The following CSMD2 variants were observed in gnomAD, a reference collection of about 807,000 sequenced individuals.
CSMD2 encodes the protein CUB and sushi domain-containing protein 2.
In CSMD2, 130 loss-of-function variants were observed where a neutral mutation model predicts 398.5. The observed-to-expected ratio is 0.33, with a 90% CI of 0.28 to 0.38. The LOEUF is 0.38. Among genes scored for constraint, CSMD2 ranks in the 10% least tolerant of loss-of-function variants. The pLI is 1.00. For synonymous variants in CSMD2, 1,828 were observed against 1,908.5 expected (o/e 0.96, Z 1.10); for missense variants, 3,829 against 4,764.9 (o/e 0.80, Z 5.78).
intron 55 of CSMD2, among the ~76,000 whole-genome samples, chr1:33,551,891 T>A (rs1379581968): frequency 6.6e-6 from 1 of 152,106 alleles, no homozygotes; most frequent in African/African-American, 2.4e-5. Context: ...GTAAGGAAGT[T>A]TGGCAGAGAC....
chr1:33,524,015 C>A (rs1440353435), intron 66 of CSMD2, among the ~76,000 whole-genome samples: 3 of 152,160 alleles, frequency 2.0e-5, no homozygotes, highest in Non-Finnish European at 4.4e-5. Context: ...TTAGAAAATG[C>A]TGAGATGCAT....
At chr1:33,967,267 T>TTA (rs1553266531) in intron 3 of CSMD2, among the ~76,000 whole-genome samples, 1 of 143,356 alleles carries the variant, frequency 7.0e-6, no homozygotes, top group Non-Finnish European at 1.5e-5. Flanking sequence ...CTTTTTTTTT[T>TTA]AAAGCGGGGG....
intron 3 of CSMD2, among the ~76,000 whole-genome samples, chr1:34,026,223 A>G (rs1649626107): frequency 1.3e-5 from 2 of 152,234 alleles, no homozygotes; most frequent in Non-Finnish European, 1.5e-5. Context: ...CCAGCAAGTG[A>G]GTGGCAAGAT....
intron 15 of CSMD2, among the ~76,000 whole-genome samples, 173 bp downstream of exon 15, chr1:33,738,967 T>A (rs1195069197): frequency 1.3e-5 from 2 of 152,170 alleles, no homozygotes. Context: ...CTACGCACAG[T>A]GGCCTTATGA....
At chr1:33,904,976 T>A (rs1420990762) in intron 5 of CSMD2, among the ~76,000 whole-genome samples, 1 of 141,860 alleles carries the variant, frequency 7.0e-6, no homozygotes, top group Non-Finnish European at 1.5e-5. Context: ...TATTTTTCCG[T>A]TTTTTTTTTT....
intron 56 of CSMD2, 112 bp from the exon 57 acceptor site, chr1:33,546,331 A>T (rs1656891894): frequency 6.6e-6 from 7 of 1,067,466 alleles, no homozygotes; most frequent in Non-Finnish European, 9.3e-6. Context: ...GGGTCCCACG[A>T]ATGAGGCCTA....
intron 49 of CSMD2, among the ~76,000 whole-genome samples, chr1:33,573,246 C>T (rs1034109840): frequency 6.6e-6 from 1 of 152,160 alleles, no homozygotes; most frequent in Non-Finnish European, 1.5e-5. Context: ...ATAAAAATAA[C>T]AAACGTAATC....
At chr1:33,998,042 T>C (rs1410971881) in intron 3 of CSMD2, among the ~76,000 whole-genome samples, 2 of 152,106 alleles carry the variant, frequency 1.3e-5, no homozygotes, top group Non-Finnish European at 2.9e-5. Flanking sequence ...TGTGGCAGTA[T>C]TGAGAGGTGT....
intron 13 of CSMD2, 178 bp downstream of exon 13, chr1:33,772,391 T>C (rs1466681666): frequency 5.1e-6 from 3 of 585,772 alleles, no homozygotes; most frequent in Non-Finnish European, 9.1e-6. Context: ...ACAGTCGACA[T>C]TCCTGCCAGA....
intron 19 of CSMD2, among the ~76,000 whole-genome samples, 200 bp downstream of exon 19, chr1:33,723,997 T>A (rs1646442065): frequency 6.6e-6 from 1 of 152,116 alleles, no homozygotes; most frequent in Non-Finnish European, 1.5e-5. Flanking sequence ...GATTTTAGAA[T>A]CTCAACAATA....
chr1:33,635,479 A>C lies in CSMD2; in HGVS notation c.4970-149T>G. On this transcript the variant is annotated intron_variant, in intron 30 of 70. Coordinates refer to ENST00000373381, the MANE Select transcript of CSMD2 (RefSeq NM_001281956.2). This position sits in a 1 kb window ranked among gnomAD's most constrained non-coding sequence, Gnocchi z 5.0. ...AGCTTGGAGAAGGCAAGTCCTGCGG[A>C]CCCTGCCCTGCCCAAGAACGTGCAC... 1 of 576,534 alleles carries C rather than the reference A, an allele frequency of 1.7e-6. No homozygotes were observed. The highest frequency in any genetic ancestry group is 3.1e-6 in the Non-Finnish European group (1 of 322,196). The allele number at this position is 576,534 out of a possible 1,614,324, so 35.7% of individuals were successfully genotyped here. A position where few individuals can be genotyped will look rare whatever the true frequency, so the allele number is the denominator to read the frequency against.
chr1:33,649,401 T>G (rs1197092357), intron 28 of CSMD2, among the ~76,000 whole-genome samples: 1 of 152,210 alleles, frequency 6.6e-6, no homozygotes, highest in East Asian at 1.9e-4. Context: ...CTCAGCACTT[T>G]GGGAGGCCAA....
chr1:34,127,894 T>TAACCAA (rs1662906421), intron 1 of CSMD2, among the ~76,000 whole-genome samples: 2 of 151,656 alleles, frequency 1.3e-5, no homozygotes, highest in Non-Finnish European at 2.9e-5. Context: ...GGGGCTGCTC[T>TAACCAA]GAGAGGAGTT....
At chr1:33,778,882 G>T (rs893935659) in intron 12 of CSMD2, among the ~76,000 whole-genome samples, 1 of 152,082 alleles carries the variant, frequency 6.6e-6, no homozygotes, top group African/African-American at 2.4e-5. Context: ...AGCCTGGATT[G>T]CCCTGTCCTT....
intron 5 of CSMD2, chr1:33,864,422 T>C (rs201852798): frequency 2.5e-5 from 40 of 1,613,224 alleles, no homozygotes; most frequent in Non-Finnish European, 3.4e-6. Flanking sequence ...AAATGATGAA[T>C]TATGTTGGCA....
intron 5 of CSMD2, among the ~76,000 whole-genome samples, chr1:33,852,079 T>C (rs973090348): frequency 1.3e-5 from 2 of 151,946 alleles, no homozygotes. Context: ...CAGTCGTTTC[T>C]GCTCCTTAGT....
chr1:33,681,215 C>T (rs1456193099), intron 25 of CSMD2, among the ~76,000 whole-genome samples: 2 of 151,922 alleles, frequency 1.3e-5, no homozygotes, highest in East Asian at 1.9e-4. Context: ...TGAGACACCA[C>T]GCCTGGCTGT....
chr1:34,092,605 G>C (rs1658729365), intron 1 of CSMD2, among the ~76,000 whole-genome samples: 1 of 152,124 alleles, frequency 6.6e-6, no homozygotes, highest in Non-Finnish European at 1.5e-5. Context: ...GGACGTGCAA[G>C]GGGGCAGGGA....
At chr1:33,786,305 T>C (rs1653529166) in intron 12 of CSMD2, among the ~76,000 whole-genome samples, 1 of 152,208 alleles carries the variant, frequency 6.6e-6, no homozygotes, top group African/African-American at 2.4e-5. Flanking sequence ...TTCTCCCTGC[T>C]TTTGGGAACA....
Sources: allele counts gnomAD v4.1 joint callset (sites outside exome capture counted in the v4.1 genomes callset), GRCh38; gene constraint gnomAD v4.1.1; non-coding constraint Gnocchi (gnomAD v3.1); transcripts MANE v1.5; gene names NCBI Gene and HGNC (gene_info 2026-07-23, HGNC 2026-07-21).